The following NCOR2 variants were observed in gnomAD, a reference collection of about 807,000 sequenced individuals.
The protein encoded by NCOR2 is nuclear receptor corepressor 2, also known as CTG repeat protein 26.
A neutral mutation model predicts 262.9 loss-of-function variants in NCOR2; 81 were observed. That is an observed-to-expected ratio of 0.31 (90% CI 0.26 to 0.37). The LOEUF (loss-of-function observed/expected upper bound fraction) is 0.37, where lower values mean the gene tolerates loss of function less well. Ranked by LOEUF, NCOR2 falls within the 10% of genes least tolerant of loss-of-function variation. The pLI is 1.00. For synonymous variants in NCOR2, 1,659 were observed against 1,559.3 expected (o/e 1.06, Z -1.51); for missense variants, 3,385 against 3,621.4 (o/e 0.93, Z 1.68).
chr12:124,417,104 G>GGCCGGACACTCACTCCACGAAGAGCAA (rs2042929533), intron 13 of NCOR2, among the ~76,000 whole-genome samples: 3 of 148,114 alleles, frequency 2.0e-5, no homozygotes, highest in Non-Finnish European at 1.5e-5. Context: ...ACGGAGAGCA[G>GGCCGGACACTCACTCCACGAAGAGCAA]GCCGGACAGT....
intron 5 of NCOR2, among the ~76,000 whole-genome samples, chr12:124,463,606 G>C (rs575817416): frequency 3.2e-4 from 49 of 152,340 alleles, no homozygotes; most frequent in Admixed American, 2.0e-3. Context: ...GGCCCTGCCC[G>C]GCAGGGAAGC....
chr12:124,525,031 G>A (rs1014876545), intron 1 of NCOR2, among the ~76,000 whole-genome samples: 6 of 152,196 alleles, frequency 3.9e-5, no homozygotes, highest in African/African-American at 1.2e-4. Flanking sequence ...AGAACAAAAG[G>A]GAAAGGCAAA....
At chr12:124,353,974 TC>T (rs1299433862) in intron 27 of NCOR2, 118 bp downstream of exon 29, 3 of 878,450 alleles carry the variant, frequency 3.4e-6, no homozygotes, top group South Asian at 1.6e-5. Context: ...TGAACTGCTG[TC>T]CCCCAGTCAT....
intron 8 of NCOR2, among the ~76,000 whole-genome samples, chr12:124,435,468 G>A (rs1453339162): frequency 1.3e-5 from 2 of 152,344 alleles, no homozygotes; most frequent in Middle Eastern, 3.4e-3. Flanking sequence ...CTTGGGTCCC[G>A]AGGGCTGCCC....
chr12:124,363,752 C>A, exon 21 of NCOR2: 3 of 1,386,190 alleles, frequency 2.2e-6, no homozygotes, highest in Non-Finnish European at 2.8e-6. Flanking sequence ...GGCATTGGCC[C>A]GGGGGTCGCC....
At position 124,344,928 on chromosome 12, in the gene NCOR2, G is replaced by C. The variant is rs61241227; in HGVS notation, c.4383C>G (p.Thr1461=). ...TTTTGGAGCCAGTGGTGGACGCGCC[G>C]GTGTCGTACTTGAGCGGGGTGCCCT... Residue 1461 remains threonine, a synonymous_variant, in exon 32 of 47, where the codon ACC becomes ACG. Coordinates refer to ENST00000405201, the Ensembl canonical transcript of NCOR2. The C allele has an allele frequency of 5.3e-4, 819 of 1,559,426 alleles. 2 individuals are homozygous for C. The African/African-American group carries it at 0.01, about 19-fold the overall frequency.
intron 1 of NCOR2, among the ~76,000 whole-genome samples, chr12:124,546,329 G>T (rs989831710): frequency 3.2e-4 from 48 of 152,220 alleles, no homozygotes; most frequent in African/African-American, 1.2e-3. Flanking sequence ...GCTTAGCCAC[G>T]GCAGCTTTCC....
chr12:124,332,786 CG>C (rs1821451043), intron 42 of NCOR2, among the ~76,000 whole-genome samples: 1 of 152,176 alleles, frequency 6.6e-6, no homozygotes, highest in African/African-American at 2.4e-5. Context: ...CCAGGGGCAG[CG>C]GGCCCAGCTT....
intron 24 of NCOR2, 111 bp from the exon 27 acceptor site, chr12:124,355,050 T>C: frequency 1.1e-6 from 1 of 892,878 alleles, no homozygotes; most frequent in Non-Finnish European, 1.7e-6. Flanking sequence ...AGGCTGGGGC[T>C]GCTGTCCAGC....
intron 8 of NCOR2, among the ~76,000 whole-genome samples, chr12:124,436,861 G>A (rs952197270): frequency 2.6e-5 from 4 of 152,232 alleles, no homozygotes; most frequent in Non-Finnish European, 4.4e-5. Context: ...GCCGAGGCGG[G>A]TGCATCACCT....
chr12:124,480,654 C>A (rs553603418), intron 3 of NCOR2, among the ~76,000 whole-genome samples: 1 of 152,024 alleles, frequency 6.6e-6, no homozygotes, highest in African/African-American at 2.4e-5. Context: ...GCACTGGAGG[C>A]GTGGCAGGCC....
At chr12:124,410,400 CG>C in intron 13 of NCOR2, among the ~76,000 whole-genome samples, 1 of 151,948 alleles carries the variant, frequency 6.6e-6, no homozygotes, top group African/African-American at 2.4e-5. Context: ...GACTGCAGGA[CG>C]TGGGGAGCCC....
chr12:124,441,206 C>T lies in NCOR2; in HGVS notation c.816-3210G>A, dbSNP rs143605987. 1.4e-3 allele frequency among the ~76,000 whole-genome samples: 215 copies of T among 152,242 alleles called. No individual in the cohort carries two copies. The Middle Eastern group carries it at 0.024, about 17-fold the overall frequency. On this transcript the variant is annotated intron_variant, in intron 7 of 46. Transcript: ENST00000405201. ...CCGGGCCATGGCTGATTCCAGCGCT[C>T]GGCCAGGAAGTATGCAAGAAGAGCC... is the stretch of plus-strand genomic sequence containing the variant.
intron 22 of NCOR2, among the ~76,000 whole-genome samples, chr12:124,361,757 T>C (rs2038606665): frequency 6.6e-6 from 1 of 152,230 alleles, no homozygotes; most frequent in Admixed American, 6.5e-5. Context: ...AGACATGTTT[T>C]TGCGTGTTCA....
In NCOR2 at chr12:124,481,509, T is replaced by C. The variant is rs1057061205; in HGVS notation, c.411+2087A>G. ...GCAGGCCCTGGAGGGCAGCCAGGGC[T>C]GGAAGGAGCGAGGAAAGAGGAATGT... is the stretch of plus-strand genomic sequence containing the variant. On this transcript the variant is annotated intron_variant, in intron 3 of 46. Transcript: ENST00000405201. This position sits in a 1 kb window ranked among gnomAD's most constrained non-coding sequence, Gnocchi z 4.6. Among the ~76,000 whole-genome samples, 5 of 152,052 alleles carry C rather than the reference T, an allele frequency of 3.3e-5. No homozygotes were observed. Among genetic ancestry groups the C allele is most frequent in the African/African-American group, 1.2e-4 (5 of 41,408 alleles).
At chr12:124,344,747 T>G (rs1218215285) in exon 32 of NCOR2, 2 of 1,547,160 alleles carry the variant, frequency 1.3e-6, no homozygotes, top group East Asian at 4.9e-5. Context: ...CCGCGCGCAA[T>G]GGAGCCCCCC....
chr12:124,465,121 G>A (rs2046355850), intron 5 of NCOR2, among the ~76,000 whole-genome samples: 2 of 151,288 alleles, frequency 1.3e-5, no homozygotes, highest in Non-Finnish European at 2.9e-5. Flanking sequence ...AGCACTGATT[G>A]GCCAAGGAAG....
intron 1 of NCOR2, among the ~76,000 whole-genome samples, chr12:124,515,482 C>T (rs954782527): frequency 1.1e-4 from 16 of 152,258 alleles, no homozygotes; most frequent in African/African-American, 3.8e-4. Context: ...GACAATTCAT[C>T]ATCCATATCA....
At position 124,554,606 on chromosome 12, in the gene NCOR2, G is replaced by A. The variant is rs1316312021; in HGVS notation, c.-165+12702C>T. On this transcript the variant is annotated intron_variant, in intron 1 of 32. Coordinates refer to the NCOR2 transcript ENST00000458234. ...ACAGAGGCGGCCTGGACCCACGGAC[G>A]GGGGCTGTGACACAGAGAGGGCAGC... Among the ~76,000 whole-genome samples, 4 of 152,204 alleles carry A rather than the reference G, an allele frequency of 2.6e-5. No homozygotes were observed. The South Asian group carries it at 6.2e-4, about 24-fold the overall frequency.
Sources: allele counts gnomAD v4.1 joint callset (sites outside exome capture counted in the v4.1 genomes callset), GRCh38; gene constraint gnomAD v4.1.1; non-coding constraint Gnocchi (gnomAD v3.1); transcripts MANE v1.5; gene names NCBI Gene and HGNC (gene_info 2026-07-23, HGNC 2026-07-21).